Variants in CD28 observed in about 807,000 individuals in gnomAD.
The protein encoded by CD28 is CD28 molecule.
A neutral mutation model predicts 21.4 loss-of-function variants in CD28; 8 were observed. That is an observed-to-expected ratio of 0.37 (90% CI 0.22 to 0.68). CD28 has a LOEUF of 0.68. Ranked by LOEUF, CD28 falls within the 30% of genes least tolerant of loss-of-function variation. The pLI, the probability that CD28 is intolerant of heterozygous loss-of-function variation, is 0.55. For missense variants in CD28, 239 were observed against 272.2 expected, an observed-to-expected ratio of 0.88 and a Z score of 0.86; for synonymous variants, 106 against 104.0, an observed-to-expected ratio of 1.02 and a Z score of -0.12.
At chr2:203,719,548 A>G (rs1015843254) in intron 1 of CD28, among the ~76,000 whole-genome samples, 1 of 152,176 alleles carries the variant, frequency 6.6e-6, no homozygotes, top group African/African-American at 2.4e-5. Flanking sequence ...GCAGAAGGAA[A>G]TGAACAATAG....
intron 1 of CD28, among the ~76,000 whole-genome samples, chr2:203,719,337 A>C (rs983037686): frequency 6.6e-6 from 1 of 152,258 alleles, no homozygotes; most frequent in Non-Finnish European, 1.5e-5. Flanking sequence ...TTTTTGCAGG[A>C]TAAGACTCTA....
At chr2:203,707,337 G>T (rs1289628493) in intron 1 of CD28, among the ~76,000 whole-genome samples, 3 of 152,028 alleles carry the variant, frequency 2.0e-5, no homozygotes, top group African/African-American at 7.3e-5. Context: ...TTCCTTAACT[G>T]TAAAGTGGGA....
chr2:203,724,372 C>T (rs1352367871), intron 1 of CD28, among the ~76,000 whole-genome samples: 1 of 152,032 alleles, frequency 6.6e-6, no homozygotes, highest in Non-Finnish European at 1.5e-5. Context: ...AAACAGCAAA[C>T]TTTATAGTAC....
rs762842404 is a variant in CD28 at position 203,726,712 on chromosome 2, C to T, written c.132C>T (p.Tyr44=). Reference sequence around the variant, plus strand: ...TCAACCTTAGCTGCAAGTATTCCTACAATCTCTTCTCAAGGGAGTTCCGGG... The same window carrying T: ...TCAACCTTAGCTGCAAGTATTCCTATAATCTCTTCTCAAGGGAGTTCCGGG... ...NAVNLSCKYS[Y]NLFSREFRAS... is the part of the protein sequence containing the mutation. Residue 44 remains tyrosine (Y), a synonymous_variant, in exon 2 of 4, where the codon TAC becomes TAT. Coordinates refer to ENST00000324106, the MANE Select transcript of CD28 (RefSeq NM_006139.4). The T allele has an allele frequency of 6.2e-7, 1 of 1,614,064 alleles. No individual in the cohort carries two copies. Among genetic ancestry groups the T allele is most frequent in the Non-Finnish European group, 8.5e-7 (1 of 1,180,012 alleles).
At position 203,734,842 on chromosome 2, in the gene CD28, G is replaced by T. The variant is rs199647272; in HGVS notation, c.593G>T (p.Arg198Leu). 1.2e-6 allele frequency: 2 copies of T among 1,614,078 alleles called. No homozygotes were observed. Among genetic ancestry groups the T allele is most frequent in the Non-Finnish European group, 1.7e-6 (2 of 1,180,012 alleles). The change falls in exon 4 of 4, where the codon CGC (arginine) becomes CTC (leucine). Residue 198 changes from arginine to leucine, a missense_variant. Around this residue, in one of 3 missense-constraint regions of CD28, gnomAD observed 112 missense variants for 112.8 expected, o/e 0.99. Transcript: ENST00000324106. ...HSDYMNMTPR[R>L]PGPTRKHYQP... ...GACTACATGAACATGACTCCCCGCC[G>T]CCCCGGGCCCACCCGCAAGCATTAC...
At chr2:203,731,518 G>C (rs1693888562) in intron 3 of CD28, among the ~76,000 whole-genome samples, 1 of 152,136 alleles carries the variant, frequency 6.6e-6, no homozygotes, top group African/African-American at 2.4e-5. Flanking sequence ...GCTGACCTAG[G>C]TCAAAGTAAT....
chr2:203,711,617 T>A (rs900881945), intron 1 of CD28, among the ~76,000 whole-genome samples: 1 of 152,224 alleles, frequency 6.6e-6, no homozygotes, highest in African/African-American at 2.4e-5. Flanking sequence ...GATGGTATCA[T>A]TCAGAATTAC....
At chr2:203,719,307 C>A (rs1693545779) in intron 1 of CD28, among the ~76,000 whole-genome samples, 1 of 152,138 alleles carries the variant, frequency 6.6e-6, no homozygotes, top group Non-Finnish European at 1.5e-5. Context: ...TCTCCAAGTT[C>A]CCTTCCAGTT....
At chr2:203,708,608 G>C (rs1693224694) in intron 1 of CD28, among the ~76,000 whole-genome samples, 1 of 152,090 alleles carries the variant, frequency 6.6e-6, no homozygotes, top group Non-Finnish European at 1.5e-5. Context: ...TATTAAAAGG[G>C]GACTAGCTAG....
chr2:203,716,902 C>T (rs563547549), intron 1 of CD28, among the ~76,000 whole-genome samples: 1 of 152,296 alleles, frequency 6.6e-6, no homozygotes, highest in South Asian at 2.1e-4. Flanking sequence ...ACAATCACCA[C>T]TCACTGCAGC....
At chr2:203,732,081 C>G (rs1693910107) in intron 3 of CD28, among the ~76,000 whole-genome samples, 1 of 152,184 alleles carries the variant, frequency 6.6e-6, no homozygotes, top group African/African-American at 2.4e-5. Context: ...AGTTGGGCAT[C>G]TAGGCCATTA....
At chr2:203,722,804 C>A (rs1693637403) in intron 1 of CD28, among the ~76,000 whole-genome samples, 1 of 152,136 alleles carries the variant, frequency 6.6e-6, no homozygotes, top group African/African-American at 2.4e-5. Flanking sequence ...GTAGACAAGG[C>A]ATGGAGGTAG....
intron 1 of CD28, among the ~76,000 whole-genome samples, chr2:203,716,895 A>T (rs1693475298): frequency 1.3e-5 from 2 of 152,088 alleles, no homozygotes; most frequent in Non-Finnish European, 2.9e-5. Flanking sequence ...CAGTGGTACA[A>T]TCACCACTCA....
chr2:203,730,884 T>A (rs1693872529), intron 3 of CD28, among the ~76,000 whole-genome samples: 1 of 152,222 alleles, frequency 6.6e-6, no homozygotes, highest in African/African-American at 2.4e-5. Context: ...ATGAAGTCAT[T>A]CTGTTTACTG....
upstream of CD28, chr2:203,706,563 G>A (rs199561889): frequency 6.3e-6 from 10 of 1,578,842 alleles, no homozygotes; most frequent in Non-Finnish European, 8.6e-6. Flanking sequence ...GTGCCCTAAG[G>A]GGATGGTGGC....
At chr2:203,710,481 A>T (rs1227674571) in intron 1 of CD28, among the ~76,000 whole-genome samples, 1 of 152,238 alleles carries the variant, frequency 6.6e-6, no homozygotes, top group Admixed American at 6.5e-5. Flanking sequence ...TCAAACTTTT[A>T]CTATGGGTGG....
chr2:203,711,114 C>T (rs116554002), intron 1 of CD28, among the ~76,000 whole-genome samples: 45 of 152,072 alleles, frequency 3.0e-4, no homozygotes, highest in African/African-American at 1.1e-3. Context: ...GTGTTAGCAC[C>T]AAAAACCCAA....
chr2:203,727,071 TG>T (rs1211838463), intron 2 of CD28, 82 bp downstream of exon 2: 1 of 848,356 alleles, frequency 1.2e-6, no homozygotes, highest in African/African-American at 1.7e-5. Context: ...TGGTCAGTGG[TG>T]GGGTTGAATA....
At chr2:203,714,962 A>G (rs1693426627) in intron 1 of CD28, among the ~76,000 whole-genome samples, 1 of 152,206 alleles carries the variant, frequency 6.6e-6, no homozygotes. Context: ...CTTCTGGGCC[A>G]TGACATTTAC....
Sources: allele counts gnomAD v4.1 joint callset (sites outside exome capture counted in the v4.1 genomes callset), GRCh38; gene constraint gnomAD v4.1.1; regional missense constraint gnomAD v4.1.1; transcripts MANE v1.5; gene names NCBI Gene and HGNC (gene_info 2026-07-23, HGNC 2026-07-21).